IFT43: variants seen among roughly 807,000 people sequenced by gnomAD.
IFT43 encodes intraflagellar transport 43, also known as intraflagellar transport protein 43 homolog.
IFT43 carries 33 observed loss-of-function variants against 32.3 expected under a neutral mutation model. That is an observed-to-expected ratio of 1.02 (90% confidence interval 0.77 to 1.37). IFT43 has a LOEUF of 1.37. IFT43 is among the 40% of genes most tolerant of loss of function. The pLI, the probability that IFT43 is intolerant of heterozygous loss-of-function variation, is 0.00. For missense variants in IFT43, 274 were observed against 265.9 expected (o/e 1.03, Z -0.21); for synonymous variants, 93 against 98.2 (o/e 0.95, Z 0.31).
chr14:76,065,157 A>G (rs143970198), intron 5 of IFT43, among the ~76,000 whole-genome samples: 1 of 152,296 alleles, frequency 6.6e-6, no homozygotes, highest in African/African-American at 2.4e-5. Context: ...AGAGATTATT[A>G]TATAAAATAA....
intron 4 of IFT43, chr14:76,059,066 GT>G (rs1270430920): frequency 1.4e-6 from 2 of 1,427,600 alleles, no homozygotes; most frequent in African/African-American, 2.9e-5. Context: ...GGGCCACCCA[GT>G]TTCCTACTCC....
intron 1 of IFT43, among the ~76,000 whole-genome samples, chr14:75,987,410 GT>G (rs1325682719): frequency 6.6e-6 from 1 of 152,184 alleles, no homozygotes; most frequent in Non-Finnish European, 1.5e-5. Flanking sequence ...ACCCCTCTCA[GT>G]TTAGTGGGGC....
intron 3 of IFT43, among the ~76,000 whole-genome samples, chr14:76,048,917 T>C (rs1434368877): frequency 6.6e-6 from 1 of 152,200 alleles, no homozygotes; most frequent in Non-Finnish European, 1.5e-5. Context: ...CACCTTCTCT[T>C]CATGTACCTC....
At chr14:76,028,062 T>C (rs2036438150) in intron 3 of IFT43, among the ~76,000 whole-genome samples, 1 of 152,104 alleles carries the variant, frequency 6.6e-6, no homozygotes, top group Non-Finnish European at 1.5e-5. Flanking sequence ...AAGTTAAAGG[T>C]TGTTGACCAG....
intron 2 of IFT43, among the ~76,000 whole-genome samples, chr14:76,002,228 C>G (rs1208664202): frequency 6.6e-6 from 1 of 152,152 alleles, no homozygotes; most frequent in Admixed American, 6.5e-5. Context: ...GCTTGGGCAA[C>G]AAGGGTGAAA....
rs200948432 is a variant in IFT43 at position 76,002,804 on chromosome 14, T to C, written c.147+13827T>C. 4.6e-5 allele frequency among the ~76,000 whole-genome samples: 7 copies of C among 152,322 alleles called. No homozygotes were observed. In the East Asian group the frequency reaches 1.3e-3, roughly 29 times the overall value. On this transcript the variant is annotated intron_variant, in intron 2 of 8. Coordinates refer to ENST00000314067, the MANE Select transcript of IFT43 (RefSeq NM_001102564.3). ...ACTTTGGGGAGTGAAACAGGAGTAT[T>C]GTCTTGGGACTTGGGTTTGCAGGGT...
chr14:76,017,341 T>C (rs193296521), intron 2 of IFT43, among the ~76,000 whole-genome samples: 1 of 152,242 alleles, frequency 6.6e-6, no homozygotes, highest in East Asian at 1.9e-4. Flanking sequence ...ATTGGTGTTA[T>C]ATATCAGATT....
intron 5 of IFT43, among the ~76,000 whole-genome samples, chr14:76,079,898 T>C (rs1336153122): frequency 6.6e-6 from 1 of 152,046 alleles, no homozygotes; most frequent in African/African-American, 2.4e-5. Flanking sequence ...GTCTATTTTC[T>C]TTTTTCTGTG....
intron 2 of IFT43, among the ~76,000 whole-genome samples, chr14:76,003,701 C>G (rs1276962685): frequency 6.6e-6 from 1 of 152,114 alleles, no homozygotes; most frequent in East Asian, 1.9e-4. Context: ...TTTGTCCCCC[C>G]AGTCCTTTGT....
intron 5 of IFT43, among the ~76,000 whole-genome samples, chr14:76,066,880 A>G (rs780502800): frequency 2.6e-5 from 4 of 152,180 alleles, no homozygotes; most frequent in Non-Finnish European, 4.4e-5. Context: ...TTCCCAGTAG[A>G]CAGTCTCCTT....
At chr14:76,022,250 C>G in intron 2 of IFT43, 77 bp from the exon 3 acceptor site, 1 of 1,370,492 alleles carries the variant, frequency 7.3e-7, no homozygotes, top group African/African-American at 1.4e-5. Flanking sequence ...GATTTCATCT[C>G]AAAAAATAGA....
intron 2 of IFT43, among the ~76,000 whole-genome samples, chr14:76,013,086 A>G (rs2036116655): frequency 6.6e-6 from 1 of 152,166 alleles, no homozygotes; most frequent in Non-Finnish European, 1.5e-5. Context: ...TCTTGAGTTG[A>G]TGGGCTTTAG....
At position 75,985,868 on chromosome 14, in the gene IFT43, G is replaced by A. The variant is rs766460913; in HGVS notation, c.54+28G>A. ...GAGGACCAATTCGGGGGCCTTGGGG[G>A]CCAGGATTTGGCGGGTGGGGAGGAG... On this transcript the variant is annotated intron_variant, in intron 1 of 8. Transcript: ENST00000314067. 5 of 1,612,368 alleles carry A rather than the reference G, an allele frequency of 3.1e-6. No individual in the cohort carries two copies. In the East Asian group the frequency reaches 1.1e-4, roughly 36 times the overall value.
intron 2 of IFT43, 107 bp downstream of exon 2, chr14:75,989,084 C>G (rs957950837): frequency 1.5e-6 from 2 of 1,333,772 alleles, no homozygotes; most frequent in African/African-American, 2.9e-5. Context: ...GAATGCCAAC[C>G]CTTTCTCCTG....
At chr14:76,082,730 A>G in intron 7 of IFT43, 38 bp downstream of exon 7, 1 of 1,401,446 alleles carries the variant, frequency 7.1e-7, no homozygotes, top group Non-Finnish European at 1.0e-6. Context: ...GGCGGGCTCC[A>G]AGCAATGGGC....
chr14:76,082,828 C>T (rs1371807894), intron 7 of IFT43, 136 bp downstream of exon 7: 3 of 763,028 alleles, frequency 3.9e-6, no homozygotes, highest in Non-Finnish European at 7.1e-6. Context: ...ACCCATACCT[C>T]TGCTGCAGGT....
intron 5 of IFT43, among the ~76,000 whole-genome samples, chr14:76,081,302 C>G (rs956941369): frequency 6.6e-6 from 1 of 152,254 alleles, no homozygotes; most frequent in African/African-American, 2.4e-5. Context: ...CACCAGTCTA[C>G]CTTTGGGATT....
intron 3 of IFT43, chr14:76,058,097 C>T (rs2037056674): frequency 1.1e-5 from 2 of 180,074 alleles, no homozygotes; most frequent in South Asian, 2.6e-4. Context: ...AGAACCACTA[C>T]CATAGATACG....
At position 76,082,610 on chromosome 14, in the gene IFT43, C is replaced by G; in HGVS notation, c.369-7C>G. ...GGTTCCCGCCTCTCGCTCTCTCTTT[C>G]CTTCAGCATCCAGATAAAGCGGGTG... On this transcript the variant is annotated splice_region_variant and splice_polypyrimidine_tract_variant and intron_variant, in intron 6 of 8. Coordinates refer to ENST00000314067, the MANE Select transcript of IFT43 (RefSeq NM_001102564.3). 6.2e-7 allele frequency: 1 copy of G among 1,614,180 alleles called. No individual in the cohort carries two copies. Among genetic ancestry groups the G allele is most frequent in the South Asian group, 1.1e-5 (1 of 91,078 alleles).
Sources: allele counts gnomAD v4.1 joint callset (sites outside exome capture counted in the v4.1 genomes callset), GRCh38; gene constraint gnomAD v4.1.1; transcripts MANE v1.5; gene names NCBI Gene and HGNC (gene_info 2026-07-23, HGNC 2026-07-21).